Variants in FARP1 observed in about 807,000 individuals in gnomAD.
FARP1 encodes FERM, ARH/RhoGEF and pleckstrin domain protein 1, also known as FERM, ARHGEF and pleckstrin domain-containing protein 1.
Under a neutral mutation model 128.8 loss-of-function variants are expected in FARP1, and 52 were observed. The ratio of observed to expected loss-of-function variants is 0.40; its 90% CI spans 0.32 to 0.51. The LOEUF (loss-of-function observed/expected upper bound fraction) is 0.51. Ranked by LOEUF, FARP1 falls within the 20% of genes least tolerant of loss-of-function variation. FARP1 has a pLI of 0.45. For synonymous variants in FARP1, 580 were observed against 551.8 expected, an observed-to-expected ratio of 1.05 and a Z score of -0.72; for missense variants, 1,333 against 1,367.9, an observed-to-expected ratio of 0.97 and a Z score of 0.40.
intron 24 of FARP1, among the ~76,000 whole-genome samples, chr13:98,441,717 G>A (rs1390309864): frequency 6.6e-6 from 1 of 152,178 alleles, no homozygotes; most frequent in Non-Finnish European, 1.5e-5. Flanking sequence ...GGCTTTGGGG[G>A]AAGGAGGTTC....
intron 6 of FARP1, among the ~76,000 whole-genome samples, chr13:98,380,437 AAG>A (rs1889848553): frequency 6.6e-6 from 1 of 151,224 alleles, no homozygotes; most frequent in Non-Finnish European, 1.5e-5. Flanking sequence ...AAAAAAAAAA[AAG>A]AAGAAGAGTG....
intron 1 of FARP1, among the ~76,000 whole-genome samples, chr13:98,156,120 A>G (rs978161950): frequency 4.6e-5 from 7 of 152,226 alleles, no homozygotes; most frequent in African/African-American, 1.7e-4. Flanking sequence ...GCCCATTATG[A>G]TACAAATCAT....
chr13:98,339,153 C>T (rs1361904970), intron 2 of FARP1, among the ~76,000 whole-genome samples: 2 of 152,192 alleles, frequency 1.3e-5, no homozygotes, highest in African/African-American at 2.4e-5. Flanking sequence ...CTATAAAGAA[C>T]CACCTGAGAT....
chr13:98,159,116 T>C (rs1244708072), intron 1 of FARP1, among the ~76,000 whole-genome samples: 1 of 152,204 alleles, frequency 6.6e-6, no homozygotes, highest in Non-Finnish European at 1.5e-5. Flanking sequence ...AAAGTGCATG[T>C]AGGAGACGCC....
chr13:98,273,608 ATCTC>A (rs1169191901), intron 2 of FARP1, among the ~76,000 whole-genome samples: 1 of 152,240 alleles, frequency 6.6e-6, no homozygotes, highest in Non-Finnish European at 1.5e-5. Context: ...CTGGGGCCTC[ATCTC>A]TCTAACTTCT....
chr13:98,445,861 CTT>C (rs1892800756), intron 24 of FARP1: 1 of 498,146 alleles, frequency 2.0e-6, no homozygotes, highest in Admixed American at 3.6e-5. Context: ...CTCAACGTGT[CTT>C]TTGGGGGGAC....
chr13:98,274,161 A>G (rs1884522266), intron 2 of FARP1, among the ~76,000 whole-genome samples: 1 of 152,096 alleles, frequency 6.6e-6, no homozygotes, highest in South Asian at 2.1e-4. Flanking sequence ...ATGTACCTGT[A>G]GGCCTGGTTA....
Position 98,448,542 on chromosome 13 carries a change from TTAGC to T in FARP1, c.*229_*232del, listed in dbSNP as rs1893008888. The T allele has an allele frequency of 1.3e-5, 7 of 552,688 alleles. No individual in the cohort carries two copies. The South Asian group carries it at 1.5e-4, about 12-fold the overall frequency. The allele number at this position is 552,688 out of a possible 1,614,324, so 34.2% of individuals were successfully genotyped here. On this transcript the variant is annotated 3_prime_UTR_variant, in exon 27 of 27. Transcript: ENST00000319562. ...TGGCATCCGCTGGGGGCGCTGTTCT[TTAGC>T]TAGTGCCAGTATTAAAACATTGTCA...
At chr13:98,147,833 TA>T (rs11306923) in intron 1 of FARP1, among the ~76,000 whole-genome samples, 145,228 of 151,816 alleles carry the variant, frequency 0.96, 69,806 homozygotes, top group East Asian at 1. Flanking sequence ...ATTTTTTCTT[TA>T]AAAAAATTTT....
chr13:98,325,929 C>G (rs1451957002), intron 2 of FARP1, among the ~76,000 whole-genome samples: 7 of 152,214 alleles, frequency 4.6e-5, no homozygotes, highest in Admixed American at 3.3e-4. Flanking sequence ...GAAAACAAAG[C>G]TTGTTTTATA....
chr13:98,147,813 C>T (rs1027769717), intron 1 of FARP1, among the ~76,000 whole-genome samples: 2 of 110,422 alleles, frequency 1.8e-5, no homozygotes, highest in South Asian at 4.0e-4. Context: ...CATGCCATCA[C>T]GCCCAGCTAA....
At chr13:98,297,322 T>TA (rs1261286795) in intron 2 of FARP1, among the ~76,000 whole-genome samples, 9 of 152,352 alleles carry the variant, frequency 5.9e-5, no homozygotes, top group Admixed American at 1.3e-4. Flanking sequence ...TATGTGGACT[T>TA]ACCTCTCTCG....
chr13:98,397,345 T>A (rs1890587934), intron 13 of FARP1: 2 of 152,218 alleles, frequency 1.3e-5, no homozygotes, highest in African/African-American at 4.8e-5. Context: ...GCCTTTGAAT[T>A]GTGTACAGCG....
At chr13:98,256,886 T>A (rs1303929877) in intron 2 of FARP1, among the ~76,000 whole-genome samples, 26 of 117,718 alleles carry the variant, frequency 2.2e-4, no homozygotes, top group African/African-American at 5.3e-4. Context: ...TTTTTTTTTT[T>A]ACAAGGAACA....
At chr13:98,255,706 G>A (rs4772061) in intron 2 of FARP1, among the ~76,000 whole-genome samples, 113,382 of 152,210 alleles carry the variant, frequency 0.74, 44,632 homozygotes, top group East Asian at 0.89. Flanking sequence ...AGATTTAAAA[G>A]TTAGCAAAGG....
intron 2 of FARP1, among the ~76,000 whole-genome samples, chr13:98,288,239 T>A (rs913720207): frequency 6.6e-6 from 1 of 152,172 alleles, no homozygotes; most frequent in African/African-American, 2.4e-5. Flanking sequence ...AGGGATGGTA[T>A]AGGTTTGCTT....
At chr13:98,373,090 CAG>C (rs1889418529) in intron 5 of FARP1, among the ~76,000 whole-genome samples, 1 of 152,148 alleles carries the variant, frequency 6.6e-6, no homozygotes, top group Admixed American at 6.5e-5. Context: ...TCCATGTAAT[CAG>C]GGGGAGTCAC....
intron 11 of FARP1, among the ~76,000 whole-genome samples, chr13:98,392,323 C>CAAAAAA (rs11289484): frequency 6.1e-4 from 37 of 60,420 alleles, no homozygotes; most frequent in African/African-American, 2.4e-3. Flanking sequence ...CATCTCTACC[C>CAAAAAA]AAAAAAAAAA....
intron 1 of FARP1, among the ~76,000 whole-genome samples, chr13:98,151,416 G>C (rs146083369): frequency 3.3e-5 from 5 of 151,950 alleles, no homozygotes; most frequent in Non-Finnish European, 7.4e-5. Flanking sequence ...TCTTTTTATC[G>C]GTGTATTCTC....
Sources: gnomAD v4.1 joint callset for allele counts (sites outside exome capture counted in the v4.1 genomes callset) on GRCh38, gnomAD v4.1.1 for gene constraint, MANE v1.5 for transcripts, NCBI Gene and HGNC (gene_info 2026-07-23, HGNC 2026-07-21) for gene names.